HMGN1: variants seen among roughly 807,000 people sequenced by gnomAD.
The protein encoded by HMGN1 is non-histone chromosomal protein HMG-14.
HMGN1 carries 9 observed loss-of-function variants against 18.4 expected under a neutral mutation model. The ratio of observed to expected loss-of-function variants is 0.49; its 90% CI spans 0.29 to 0.85. HMGN1 has a LOEUF of 0.85. HMGN1 is among the 40% of genes least tolerant of loss of function. The pLI, the probability that HMGN1 is intolerant of heterozygous loss-of-function variation, is 0.07. For missense variants in HMGN1, 151 were observed against 119.2 expected (o/e 1.27, Z -1.24); for synonymous variants, 59 against 45.0 (o/e 1.31, Z -1.24).
intron 1 of HMGN1, 139 bp from the exon 2 acceptor site, chr21:39,348,716 C>G: frequency 8.5e-7 from 1 of 1,175,858 alleles, no homozygotes; most frequent in South Asian, 1.7e-5. Flanking sequence ...TCAGCTCCCC[C>G]GGCCGCCAAA....
Position 39,346,209 on chromosome 21 carries a change from T to C in HMGN1, c.127-935A>G, listed in dbSNP as rs149443356. On this transcript the variant is annotated intron_variant, in intron 4 of 5. Coordinates refer to ENST00000380749, the MANE Select transcript of HMGN1 (RefSeq NM_004965.7). ...TTAAAGGGCCATAAAGACAAGCAAG[T>C]AGAGCTCACAACTTCAATGCTAACA... is the stretch of plus-strand genomic sequence containing the variant. 8.6e-4 allele frequency: 298 copies of C among 345,552 alleles called. 6 individuals carry two copies. The highest frequency in any genetic ancestry group is 5.1e-3 in the South Asian group (225 of 43,988). The allele number at this position is 345,552 out of a possible 1,614,324, so 21.4% of individuals were successfully genotyped here. A position where few individuals can be genotyped will look rare whatever the true frequency, so the allele number is the denominator to read the frequency against.
chr21:39,348,589 G>C lies in HMGN1; in HGVS notation c.16-12C>G, dbSNP rs748975442. On this transcript the variant is annotated splice_polypyrimidine_tract_variant and intron_variant, in intron 1 of 5. Transcript: ENST00000380749. ...TCGGCGGAGCTGACCTGCGGAGACG[G>C]AGACGCACGAATAGAGGCGGGCCGC... 17 of 1,592,142 alleles carry C rather than the reference G, an allele frequency of 1.1e-5. No homozygotes were observed. Among genetic ancestry groups the C allele is most frequent in the Non-Finnish European group, 1.3e-5 (15 of 1,170,664 alleles).
intron 4 of HMGN1, chr21:39,347,551 TAA>T (rs1230583627): frequency 7.6e-6 from 4 of 529,494 alleles, no homozygotes; most frequent in African/African-American, 2.0e-5. Flanking sequence ...AACTCTCACC[TAA>T]GTTTTGGATA....
Position 39,348,091 on chromosome 21 carries a change from C to T in HMGN1, c.126+201G>A, listed in dbSNP as rs1276276752. On this transcript the variant is annotated intron_variant, in intron 4 of 5. Transcript: ENST00000380749. ...GTCGTCCTAAGTCTCCTAACATCTG[C>T]AGCAGCATTAGTGTGATATAGTTCT... The T allele has an allele frequency of 4.5e-6, 4 of 887,168 alleles. No homozygotes were observed. The African/African-American group carries it at 5.2e-5, about 11-fold the overall frequency. The allele number at this position is 887,168 out of a possible 1,614,324, so 55.0% of individuals were successfully genotyped here. A position where few individuals can be genotyped will look rare whatever the true frequency, so the allele number is the denominator to read the frequency against.
intron 5 of HMGN1, chr21:39,344,559 C>G (rs1370617850): frequency 6.6e-6 from 1 of 152,318 alleles, no homozygotes; most frequent in Non-Finnish European, 1.5e-5. Flanking sequence ...CAGTAGTGCT[C>G]ACAACAAATC....
In HMGN1 at chr21:39,342,733, T is replaced by C. The variant is rs1029225531; in HGVS notation, c.*379A>G. 1 of 445,874 alleles carries C rather than the reference T, an allele frequency of 2.2e-6. No homozygotes were observed. Among genetic ancestry groups the C allele is most frequent in the African/African-American group, 2.1e-5 (1 of 47,714 alleles). The allele number at this position is 445,874 out of a possible 1,614,324, so 27.6% of individuals were successfully genotyped here. A position where few individuals can be genotyped will look rare whatever the true frequency, so the allele number is the denominator to read the frequency against. The stretch of plus-strand genomic sequence containing the variant: ...CTAAAAAACAACATGGTAATAGAAG[T>C]AATTTAAAATGTTCAAGACATTAAA... On this transcript the variant is annotated 3_prime_UTR_variant, in exon 6 of 6. Coordinates refer to ENST00000380749, the MANE Select transcript of HMGN1 (RefSeq NM_004965.7).
chr21:39,348,259 C>G, intron 4 of HMGN1, 33 bp downstream of exon 4: 1 of 1,612,414 alleles, frequency 6.2e-7, no homozygotes, highest in Non-Finnish European at 8.5e-7. Context: ...GCCTAAGGCC[C>G]CGCTGCATCC....
rs2036892261 is a variant in HMGN1 at position 39,342,379 on chromosome 21, C to G, written c.*733G>C. 5.6e-6 allele frequency: 1 copy of G among 180,178 alleles called. No homozygotes were observed. The highest frequency in any genetic ancestry group is 5.5e-5 in the Admixed American group (1 of 18,274). 11.2% of individuals were successfully genotyped at this position (180,178 alleles called of 1,614,324 possible). On this transcript the variant is annotated 3_prime_UTR_variant, in exon 6 of 6. Transcript: ENST00000380749. Reference sequence around the variant, plus strand: ...CAGACATTTCAATTTGTACACAAATCTTAACATACGTAACGAAATTCTAAA... The same window carrying G: ...CAGACATTTCAATTTGTACACAAATGTTAACATACGTAACGAAATTCTAAA...
chr21:39,344,073 G>A (rs1422690460), intron 5 of HMGN1, among the ~76,000 whole-genome samples: 6 of 152,028 alleles, frequency 3.9e-5, no homozygotes, highest in African/African-American at 9.6e-5. Flanking sequence ...TGGCTAACAC[G>A]GCGAAACCCC....
At position 39,345,241 on chromosome 21, in the gene HMGN1, C is replaced by T. The variant is rs774840076; in HGVS notation, c.160G>A (p.Gly54Arg). Residue 54 changes from glycine to arginine, a missense_variant, in exon 5 of 6, where the codon GGG (glycine) becomes AGG (arginine). Physicochemically the swap from Gly to Arg is moderately radical, Grantham distance 125. Coordinates refer to ENST00000380749, the MANE Select transcript of HMGN1 (RefSeq NM_004965.7). The stretch of plus-strand genomic sequence containing the variant: ...TGTTTTCCCTTTGCTCCCCTTTTCC[C>T]TTTTGTTTGCACTTTTTTGTCTGAA... ...KSSDKKVQTK[G>R]KRGAKGKQAE... 2 of 1,613,712 alleles carry T rather than the reference C, an allele frequency of 1.2e-6. No individual in the cohort carries two copies. The highest frequency in any genetic ancestry group is 1.7e-5 in the Admixed American group (1 of 59,986).
chr21:39,348,399 G>C (rs749431363), intron 3 of HMGN1, 23 bp downstream of exon 3: 2 of 1,614,180 alleles, frequency 1.2e-6, no homozygotes, highest in South Asian at 2.2e-5. Flanking sequence ...AAAACGAACG[G>C]TTACGGGGCT....
rs1319203820 is a variant in HMGN1, at chr21:39,349,004, G to C, written c.-87C>G. The C allele has an allele frequency of 8.4e-7, 1 of 1,194,908 alleles. No homozygotes were observed. 74.0% of individuals were successfully genotyped at this position (1,194,908 alleles called of 1,614,324 possible). A position where few individuals can be genotyped will look rare whatever the true frequency, so the allele number is the denominator to read the frequency against. ...GGGCCGCGGCGCGCCGACAGCCTTCGCGAAACTGGGCTGCCTTGCCGCTGC... is the reference window on the plus strand; with the variant it reads ...GGGCCGCGGCGCGCCGACAGCCTTCCCGAAACTGGGCTGCCTTGCCGCTGC... On this transcript the variant is annotated 5_prime_UTR_variant, in exon 1 of 6. Coordinates refer to ENST00000380749, the MANE Select transcript of HMGN1 (RefSeq NM_004965.7).
chr21:39,342,746 T>A lies in HMGN1; in HGVS notation c.*366A>T. 1 of 527,290 alleles carries A rather than the reference T, an allele frequency of 1.9e-6. No individual in the cohort carries two copies. The highest frequency in any genetic ancestry group is 1.8e-5 in the South Asian group (1 of 55,888). The allele number at this position is 527,290 out of a possible 1,614,324, so 32.7% of individuals were successfully genotyped here. Reference sequence around the variant, plus strand: ...TGGTAATAGAAGTAATTTAAAATGTTCAAGACATTAAATGCAGGACTGACT... The same window carrying A: ...TGGTAATAGAAGTAATTTAAAATGTACAAGACATTAAATGCAGGACTGACT... On this transcript the variant is annotated 3_prime_UTR_variant, in exon 6 of 6. Transcript: ENST00000380749.
intron 5 of HMGN1, among the ~76,000 whole-genome samples, chr21:39,343,618 T>G (rs2036939969): frequency 6.6e-6 from 1 of 152,226 alleles, no homozygotes; most frequent in Non-Finnish European, 1.5e-5. Context: ...TTGGAGGGCT[T>G]TGTTCAGGTA....
intron 5 of HMGN1, 48 bp from the exon 6 acceptor site, chr21:39,343,207 T>C: frequency 6.6e-7 from 1 of 1,517,234 alleles, no homozygotes; most frequent in South Asian, 1.2e-5. Context: ...CACGTTGTCG[T>C]TTTATTTATA....
At chr21:39,343,275 C>T (rs1384340614) in intron 5 of HMGN1, 116 bp from the exon 6 acceptor site, 1 of 1,005,352 alleles carries the variant, frequency 9.9e-7, no homozygotes, top group East Asian at 2.5e-5. Context: ...AAGTCACCTA[C>T]CTACTCTTGT....
Position 39,348,596 on chromosome 21 carries a change from A to C in HMGN1, c.16-19T>G. The C allele has an allele frequency of 6.3e-7, 1 of 1,584,592 alleles. No individual in the cohort carries two copies. The highest frequency in any genetic ancestry group is 1.3e-5 in the African/African-American group (1 of 74,092). On this transcript the variant is annotated intron_variant, in intron 1 of 5. Transcript: ENST00000380749. The stretch of plus-strand genomic sequence containing the variant: ...AGCTGACCTGCGGAGACGGAGACGC[A>C]CGAATAGAGGCGGGCCGCAGTCCCA...
chr21:39,348,191 T>C (rs2037128301), intron 4 of HMGN1, 101 bp downstream of exon 4: 3 of 1,419,150 alleles, frequency 2.1e-6, no homozygotes, highest in Non-Finnish European at 2.9e-6. Context: ...ATTATTAAAG[T>C]ATAAATAAAG....
intron 4 of HMGN1, 38 bp downstream of exon 4, chr21:39,348,254 A>C: frequency 6.2e-7 from 1 of 1,612,312 alleles, no homozygotes; most frequent in Non-Finnish European, 8.5e-7. Context: ...GTGTAGCCTA[A>C]GGCCCCGCTG....
Sources: gnomAD v4.1 joint callset for allele counts (sites outside exome capture counted in the v4.1 genomes callset) on GRCh38, gnomAD v4.1.1 for gene constraint, MANE v1.5 for transcripts, NCBI Gene and HGNC (gene_info 2026-07-23, HGNC 2026-07-21) for gene names.